The following INPP5A variants were observed in gnomAD, a reference collection of about 807,000 sequenced individuals.
The protein encoded by INPP5A is 43 kDa inositol polyphosphate 5-phophatase.
A neutral mutation model predicts 65.2 loss-of-function variants in INPP5A; 14 were observed. That is an observed-to-expected ratio of 0.21 (90% CI 0.14 to 0.34). The LOEUF (loss-of-function observed/expected upper bound fraction) is 0.34. Among genes scored for constraint, INPP5A ranks in the 10% least tolerant of loss-of-function variants. The pLI is 1.00. For missense variants in INPP5A, 431 were observed against 545.6 expected (o/e 0.79, Z 2.09); for synonymous variants, 207 against 208.3 (o/e 0.99, Z 0.05).
At chr10:132,576,534 C>G (rs1455056358) in intron 1 of INPP5A, among the ~76,000 whole-genome samples, 3 of 152,144 alleles carry the variant, frequency 2.0e-5, no homozygotes, top group Admixed American at 6.5e-5. Flanking sequence ...GCTCCTGTCC[C>G]CAGTGTGCGT....
intron 2 of INPP5A, among the ~76,000 whole-genome samples, chr10:132,642,983 G>A (rs901186905): frequency 8.5e-5 from 13 of 152,294 alleles, no homozygotes; most frequent in Admixed American, 4.6e-4. Flanking sequence ...TTGCCAGGTC[G>A]CTCTGTGGGA....
At chr10:132,732,032 A>G (rs1422912195) in intron 9 of INPP5A, among the ~76,000 whole-genome samples, 4 of 152,204 alleles carry the variant, frequency 2.6e-5, no homozygotes, top group Non-Finnish European at 4.4e-5. Flanking sequence ...GGCAGTGGCA[A>G]TGCAGATTCC....
chr10:132,537,806 CGGCGGCGGCTGCGG>C lies in INPP5A; in HGVS notation c.-289_-276del. ...GGCGGGACTTGCCCTCAGCCTGAGTCGGCGGCGGCTGCGGGAACTTTCCCAGCGGATCTAATGGC... is the reference window on the plus strand; with the variant it reads ...GGCGGGACTTGCCCTCAGCCTGAGTCGAACTTTCCCAGCGGATCTAATGGC... On this transcript the variant is annotated 5_prime_UTR_variant, in exon 1 of 16. Transcript: ENST00000368594. 1 of 352,488 alleles carries C rather than the reference CGGCGGCGGCTGCGG, an allele frequency of 2.8e-6. No individual in the cohort carries two copies. Among genetic ancestry groups the C allele is most frequent in the Non-Finnish European group, 5.1e-6 (1 of 196,554 alleles). The allele number at this position is 352,488 out of a possible 1,614,324, so 21.8% of individuals were successfully genotyped here. A position where few individuals can be genotyped will look rare whatever the true frequency, so the allele number is the denominator to read the frequency against.
At chr10:132,622,314 G>A (rs529324792) in intron 2 of INPP5A, among the ~76,000 whole-genome samples, 37 of 151,004 alleles carry the variant, frequency 2.5e-4, no homozygotes, top group Admixed American at 4.0e-4. Context: ...GAAATATACC[G>A]CGTTCGTGGA....
rs1278274852 is a variant in INPP5A, at chr10:132,690,475, T to TC, written c.370+22dup. ...TTAAAGGTAAGACTGCGTGCCGTCT[T>TC]CCGGGATTTTGTCTCGGCACTCACC... On this transcript the variant is annotated intron_variant, in intron 5 of 15. Transcript: ENST00000368594. 2.5e-6 allele frequency: 4 copies of TC among 1,594,852 alleles called. No homozygotes were observed. The highest frequency in any genetic ancestry group is 3.4e-6 in the Non-Finnish European group (4 of 1,163,572).
intron 9 of INPP5A, among the ~76,000 whole-genome samples, chr10:132,742,423 C>T (rs886550392): frequency 1.3e-5 from 2 of 152,216 alleles, no homozygotes; most frequent in East Asian, 3.9e-4. Flanking sequence ...GGGTGCCCAC[C>T]GCCTGTGGAA....
rs529004516 is a variant in INPP5A, at chr10:132,702,711, T to G, written c.474+4792T>G. Among the ~76,000 whole-genome samples, 5 of 152,312 alleles carry G rather than the reference T, an allele frequency of 3.3e-5. No individual in the cohort carries two copies. The East Asian group carries it at 7.7e-4, about 24-fold the overall frequency. ...TGCCCGGGCACAGCTCTGACGCACATGGGAAGCGCTTGCCTCCACATGCCA... is the reference window on the plus strand; with the variant it reads ...TGCCCGGGCACAGCTCTGACGCACAGGGGAAGCGCTTGCCTCCACATGCCA... On this transcript the variant is annotated intron_variant, in intron 6 of 15. Transcript: ENST00000368594.
rs2072365052 is a variant in INPP5A at position 132,637,172 on chromosome 10, C to T, written c.118-8696C>T. 6.6e-6 allele frequency among the ~76,000 whole-genome samples: 1 copy of T among 152,208 alleles called. No homozygotes were observed. The highest frequency in any genetic ancestry group is 2.1e-4 in the South Asian group (1 of 4,822). ...ACCTTGTGGTTGATCCGCCCGCTGCCTCGGCCTCCCAAAGTGGTGGGATTA... is the reference window on the plus strand; with the variant it reads ...ACCTTGTGGTTGATCCGCCCGCTGCTTCGGCCTCCCAAAGTGGTGGGATTA... On this transcript the variant is annotated intron_variant, in intron 2 of 15. Coordinates refer to ENST00000368594, the MANE Select transcript of INPP5A (RefSeq NM_005539.5). This position sits in a 1 kb window ranked among gnomAD's most constrained non-coding sequence, Gnocchi z 4.1.
At chr10:132,740,187 C>T (rs1416031154) in intron 9 of INPP5A, among the ~76,000 whole-genome samples, 7 of 152,188 alleles carry the variant, frequency 4.6e-5, no homozygotes, top group African/African-American at 9.7e-5. Context: ...AGGACTGGGG[C>T]GTTTGTCAGA....
intron 1 of INPP5A, among the ~76,000 whole-genome samples, chr10:132,557,663 T>TA (rs1396587310): frequency 6.6e-6 from 1 of 152,232 alleles, no homozygotes; most frequent in Non-Finnish European, 1.5e-5. Flanking sequence ...ACTTAGGGTG[T>TA]AACCACAGGT....
At chr10:132,638,740 G>A (rs1047438773) in intron 2 of INPP5A, among the ~76,000 whole-genome samples, 2 of 151,954 alleles carry the variant, frequency 1.3e-5, no homozygotes, top group Non-Finnish European at 2.9e-5. Context: ...GCTAATTTTT[G>A]TATTTTTAGT....
At position 132,581,459 on chromosome 10, in the gene INPP5A, G is replaced by C. The variant is rs545151677; in HGVS notation, c.76-26456G>C. Among the ~76,000 whole-genome samples, 36 of 152,308 alleles carry C rather than the reference G, an allele frequency of 2.4e-4. 1 individual carries two copies. The South Asian group carries it at 5.0e-3, about 21-fold the overall frequency. On this transcript the variant is annotated intron_variant, in intron 1 of 15. Coordinates refer to ENST00000368594, the MANE Select transcript of INPP5A (RefSeq NM_005539.5). The stretch of plus-strand genomic sequence containing the variant: ...AGTAGATGTGCATTTAGTTTTATCA[G>C]AGGCTCTGGAACTTTCCCAGGCCAA...
intron 8 of INPP5A, among the ~76,000 whole-genome samples, chr10:132,724,332 C>T (rs911810254): frequency 6.6e-6 from 1 of 152,242 alleles, no homozygotes. Context: ...GATCCCTGCT[C>T]TACACCTTAA....
In INPP5A at chr10:132,548,494, C is replaced by T. The variant is rs148644537; in HGVS notation, c.75+10323C>T. Among the ~76,000 whole-genome samples, 73 of 152,264 alleles carry T rather than the reference C, an allele frequency of 4.8e-4. 2 individuals carry two copies. Among genetic ancestry groups the T allele is most frequent in the Middle Eastern group, 3.4e-3 (1 of 294 alleles). On this transcript the variant is annotated intron_variant, in intron 1 of 15. Coordinates refer to ENST00000368594, the MANE Select transcript of INPP5A (RefSeq NM_005539.5). ...TGCGCGTTTAACAGTGTTATTTACC[C>T]GGGATTTGAATAGCATGCAGTTCAC... is the stretch of plus-strand genomic sequence containing the variant.
chr10:132,774,121 G>A (rs1371504438), intron 12 of INPP5A, among the ~76,000 whole-genome samples: 1 of 152,180 alleles, frequency 6.6e-6, no homozygotes, highest in Non-Finnish European at 1.5e-5. Flanking sequence ...CTTCAGCATT[G>A]CCACAGCTGT....
Position 132,545,513 on chromosome 10 carries a change from C to G in INPP5A, c.75+7342C>G, listed in dbSNP as rs112149078. 2.9e-3 allele frequency among the ~76,000 whole-genome samples: 435 copies of G among 152,340 alleles called. 1 individual carries two copies. Among genetic ancestry groups the G allele is most frequent in the African/African-American group, 9.9e-3 (413 of 41,590 alleles). ...TCTCCACATGCCACTCTGTGCCCCA[C>G]TGCCCCTGCCGGGGTGTTCCCGCTG... On this transcript the variant is annotated intron_variant, in intron 1 of 15. Transcript: ENST00000368594. The surrounding 1 kb of genome is among the most constrained non-coding windows in gnomAD (Gnocchi z 4.6).
chr10:132,736,182 G>A (rs1051293180), intron 9 of INPP5A, among the ~76,000 whole-genome samples: 22 of 152,230 alleles, frequency 1.4e-4, no homozygotes, highest in South Asian at 2.1e-4. Flanking sequence ...TGCAGCCTGC[G>A]GCTCCAGCTG....
chr10:132,736,570 C>A (rs777992516), intron 9 of INPP5A, among the ~76,000 whole-genome samples: 8 of 152,206 alleles, frequency 5.3e-5, no homozygotes, highest in Admixed American at 2.6e-4. Context: ...TCAATGGGCA[C>A]CAGGGAGGAT....
intron 11 of INPP5A, among the ~76,000 whole-genome samples, chr10:132,756,412 G>A (rs1428942507): frequency 6.6e-6 from 1 of 152,214 alleles, no homozygotes; most frequent in Non-Finnish European, 1.5e-5. Flanking sequence ...GCACTTGTGT[G>A]TGTGCGTGTG....
Sources: allele counts gnomAD v4.1 joint callset (sites outside exome capture counted in the v4.1 genomes callset), GRCh38; gene constraint gnomAD v4.1.1; non-coding constraint Gnocchi (gnomAD v3.1); transcripts MANE v1.5; gene names NCBI Gene and HGNC (gene_info 2026-07-23, HGNC 2026-07-21).